The following DTWD2 variants were observed in gnomAD, a reference collection of about 807,000 sequenced individuals.
DTWD2 encodes the protein tRNA-uridine aminocarboxypropyltransferase 2.
In DTWD2, 39 loss-of-function variants were observed where a neutral mutation model predicts 31.8. That is an observed-to-expected ratio of 1.22 (90% confidence interval 0.95 to 1.60). The LOEUF (loss-of-function observed/expected upper bound fraction) is 1.60, where lower values mean the gene tolerates loss of function less well. Among genes scored for constraint, DTWD2 ranks in the 40% most tolerant of loss-of-function variants. The pLI, the probability that DTWD2 is intolerant of heterozygous loss-of-function variation, is 0.00. For missense variants in DTWD2, 515 were observed against 381.5 expected, an observed-to-expected ratio of 1.35 and a Z score of -2.92; for synonymous variants, 180 against 142.8, an observed-to-expected ratio of 1.26 and a Z score of -1.86.
chr5:118,867,096 A>C (rs1202646691), intron 4 of DTWD2, among the ~76,000 whole-genome samples: 1 of 152,160 alleles, frequency 6.6e-6, no homozygotes. Context: ...TATTCTACTA[A>C]TCTACAAAAA....
intron 1 of DTWD2, among the ~76,000 whole-genome samples, chr5:118,963,536 T>C (rs1754754006): frequency 6.6e-6 from 1 of 152,152 alleles, no homozygotes; most frequent in East Asian, 1.9e-4. Context: ...TTACCTAAAA[T>C]ATAAGCATTG....
intron 4 of DTWD2, among the ~76,000 whole-genome samples, chr5:118,885,265 A>C (rs1027120007): frequency 1.3e-5 from 2 of 151,826 alleles, no homozygotes; most frequent in African/African-American, 4.8e-5. Flanking sequence ...CATCCTGGCC[A>C]ACACAGTGAA....
intron 3 of DTWD2, among the ~76,000 whole-genome samples, chr5:118,938,232 T>C (rs1379017707): frequency 6.6e-6 from 1 of 152,114 alleles, no homozygotes; most frequent in Non-Finnish European, 1.5e-5. Flanking sequence ...AAAGGATAAG[T>C]ATCAGAAAGG....
chr5:118,935,508 G>A (rs1024895364), intron 3 of DTWD2, among the ~76,000 whole-genome samples: 1 of 151,360 alleles, frequency 6.6e-6, no homozygotes. Context: ...AAAATTGACT[G>A]CTTGCTTGCT....
chr5:118,947,971 T>TTA lies in DTWD2; in HGVS notation c.219-3323_219-3322insTA, dbSNP rs1456056176. Among the ~76,000 whole-genome samples, 4 of 152,220 alleles carry TTA rather than the reference T, an allele frequency of 2.6e-5. No individual in the cohort carries two copies. In the East Asian group the frequency reaches 7.7e-4, roughly 29 times the overall value. On this transcript the variant is annotated intron_variant, in intron 1 of 5. Transcript: ENST00000510708. The stretch of plus-strand genomic sequence containing the variant: ...TGAATTGAAGTTAGACTCACTTTAA[T>TTA]AACAAATGTTGCATAACACATTTGA...
intron 4 of DTWD2, among the ~76,000 whole-genome samples, chr5:118,903,839 T>A (rs893967194): frequency 2.6e-5 from 4 of 152,006 alleles, no homozygotes; most frequent in Non-Finnish European, 5.9e-5. Flanking sequence ...TTATATATAT[T>A]TGAAATTCAA....
At chr5:118,849,643 C>CAG (rs1220840387) in intron 4 of DTWD2, among the ~76,000 whole-genome samples, 6 of 152,110 alleles carry the variant, frequency 3.9e-5, no homozygotes. Flanking sequence ...CTATCAATGA[C>CAG]AGACTGGATA....
At chr5:118,874,878 C>A (rs544308464) in intron 4 of DTWD2, among the ~76,000 whole-genome samples, 164 of 152,056 alleles carry the variant, frequency 1.1e-3, no homozygotes, top group Non-Finnish European at 1.9e-3. Flanking sequence ...GTAAGATACT[C>A]CATAAGAAGA....
intron 1 of DTWD2, among the ~76,000 whole-genome samples, chr5:118,974,910 C>T (rs184709107): frequency 0.017 from 2,550 of 152,328 alleles, 73 homozygotes; most frequent in African/African-American, 0.058. Flanking sequence ...GTCTGATAGG[C>T]TTCCCTTTGT....
intron 4 of DTWD2, among the ~76,000 whole-genome samples, chr5:118,885,465 A>G (rs1462072251): frequency 7.5e-4 from 112 of 149,740 alleles, no homozygotes; most frequent in African/African-American, 2.6e-3. Flanking sequence ...TCAAAAAAAA[A>G]AAAAAAAAAA....
intron 4 of DTWD2, among the ~76,000 whole-genome samples, chr5:118,901,805 A>T (rs115059762): frequency 0.012 from 1,898 of 152,254 alleles, 32 homozygotes; most frequent in African/African-American, 0.044. Flanking sequence ...TGGTGGTCTC[A>T]CTGTGTTGCT....
At chr5:118,956,544 T>C (rs1233356400) in intron 1 of DTWD2, among the ~76,000 whole-genome samples, 1 of 152,220 alleles carries the variant, frequency 6.6e-6, no homozygotes, top group East Asian at 1.9e-4. Context: ...GACATATGAC[T>C]AGAGATGCTA....
chr5:118,847,924 CAG>C lies in DTWD2; in HGVS notation c.726+164_726+165del, dbSNP rs201285800. Among the ~76,000 whole-genome samples the C allele has an allele frequency of 8.4e-3, 1,154 of 137,636 alleles. 14 individuals are homozygous for C. Among genetic ancestry groups the C allele is most frequent in the African/African-American group, 0.037 (1,095 of 29,398 alleles). 90.3% of individuals were successfully genotyped at this position (137,636 alleles called of 152,430 possible). A position where few individuals can be genotyped will look rare whatever the true frequency, so the allele number is the denominator to read the frequency against. ...TAATCTGGAATGCTAAACACACACA[CAG>C]AAAAACACCAGAGAGGAAACAAGGT... On this transcript the variant is annotated intron_variant, in intron 5 of 5. Coordinates refer to ENST00000510708, the MANE Select transcript of DTWD2 (RefSeq NM_173666.4).
At chr5:118,844,893 G>C (rs965484137) in intron 5 of DTWD2, among the ~76,000 whole-genome samples, 2 of 152,176 alleles carry the variant, frequency 1.3e-5, no homozygotes, top group Admixed American at 1.3e-4. Flanking sequence ...CAACATTTTG[G>C]CAGGCGAAGG....
At chr5:118,912,254 A>T (rs1753474034) in intron 4 of DTWD2, among the ~76,000 whole-genome samples, 1 of 152,244 alleles carries the variant, frequency 6.6e-6, no homozygotes, top group East Asian at 1.9e-4. Flanking sequence ...CTCCACCTGA[A>T]GTACTTGGAC....
intron 2 of DTWD2, 26 bp from the exon 3 acceptor site, chr5:118,939,316 A>G (rs749599506): frequency 3.2e-6 from 5 of 1,541,568 alleles, no homozygotes; most frequent in Admixed American, 4.0e-5. Context: ...GAATTGAAAC[A>G]TAGATTTTTA....
chr5:118,907,178 A>C (rs1753351275), intron 4 of DTWD2, among the ~76,000 whole-genome samples: 1 of 152,200 alleles, frequency 6.6e-6, no homozygotes, highest in South Asian at 2.1e-4. Flanking sequence ...TGAATTAGAA[A>C]GTTTCCCCAC....
At chr5:118,860,231 ATATAT>A (rs1280807180) in intron 4 of DTWD2, among the ~76,000 whole-genome samples, 1 of 149,676 alleles carries the variant, frequency 6.7e-6, no homozygotes, top group Non-Finnish European at 1.5e-5. Flanking sequence ...GTATTTATTA[ATATAT>A]TATAATCTTA....
intron 5 of DTWD2, 148 bp downstream of exon 5, chr5:118,847,942 G>C (rs1468760956): frequency 3.9e-5 from 32 of 812,644 alleles, no homozygotes; most frequent in Non-Finnish European, 5.7e-5. Flanking sequence ...CACCAGAGAG[G>C]AAACAAGGTT....
Sources: gnomAD v4.1 joint callset for allele counts (sites outside exome capture counted in the v4.1 genomes callset) on GRCh38, gnomAD v4.1.1 for gene constraint, MANE v1.5 for transcripts, NCBI Gene and HGNC (gene_info 2026-07-23, HGNC 2026-07-21) for gene names.